PASK: variants seen among roughly 807,000 people sequenced by gnomAD.
PASK encodes the protein PAS domain containing serine/threonine kinase.
In PASK, 110 loss-of-function variants were observed where a neutral mutation model predicts 121.0. That is an observed-to-expected ratio of 0.91 (90% CI 0.78 to 1.06). The LOEUF is 1.06. Among genes scored for constraint, PASK ranks in the 50% least tolerant of loss-of-function variants. The pLI, the probability that PASK is intolerant of heterozygous loss-of-function variation, is 0.00. For missense variants in PASK, 1,643 were observed against 1,702.3 expected (o/e 0.97, Z 0.61); for synonymous variants, 686 against 717.8 (o/e 0.96, Z 0.71).
At position 241,142,698 on chromosome 2, in the gene PASK, C is replaced by T. The variant is rs185544653; in HGVS notation, c.196+139G>A. ...GCCGGAGTCATCTGCCAGCATGAGCCGAGCACTTAAACCACGAACTTTTCT... is the reference window on the plus strand; with the variant it reads ...GCCGGAGTCATCTGCCAGCATGAGCTGAGCACTTAAACCACGAACTTTTCT... On this transcript the variant is annotated intron_variant, in intron 2 of 17. Transcript: ENST00000234040. 434 of 699,474 alleles carry T rather than the reference C, an allele frequency of 6.2e-4. 2 individuals are homozygous for T. Among genetic ancestry groups the T allele is most frequent in the Non-Finnish European group, 7.0e-5 (27 of 387,444 alleles). 43.3% of individuals were successfully genotyped at this position (699,474 alleles called of 1,614,324 possible).
chr2:241,147,147 A>T (rs745376725), intron 1 of PASK, among the ~76,000 whole-genome samples: 1 of 152,224 alleles, frequency 6.6e-6, no homozygotes, highest in Non-Finnish European at 1.5e-5. Context: ...TGACATGATT[A>T]TAGTGTGAGG....
At chr2:241,132,483 C>G (rs1398658401) in intron 9 of PASK, among the ~76,000 whole-genome samples, 4 of 133,536 alleles carry the variant, frequency 3.0e-5, no homozygotes, top group Admixed American at 1.6e-4. Flanking sequence ...GAGCTGAGAT[C>G]GCACCACTGC....
In PASK at chr2:241,126,868, C is replaced by T. The variant is rs773268908; in HGVS notation, c.2047G>A (p.Val683Ile). The change falls in exon 10 of 18, where the codon GTT (valine) becomes ATT (isoleucine). Residue 683 changes from valine to isoleucine, a missense_variant. Val to Ile is a conservative substitution (Grantham distance 29). This residue lies in a region of PASK where 1,176 missense variants were observed against 1,162.2 expected (regional missense o/e 1.01). Transcript: ENST00000234040. ...GTGACAGCCTGGCACTCTGTCGGAACGAGTTCGGCGTGGGGGACATCCAGG... is the reference window on the plus strand; with the variant it reads ...GTGACAGCCTGGCACTCTGTCGGAATGAGTTCGGCGTGGGGGACATCCAGG... ...GALDVPHAEL[V>I]PTECQAVTAP... 8.7e-6 allele frequency: 14 copies of T among 1,612,694 alleles called. No individual in the cohort carries two copies. Among genetic ancestry groups the T allele is most frequent in the Admixed American group, 1.7e-5 (1 of 59,958 alleles).
chr2:241,141,075 T>C (rs1287517689), intron 2 of PASK, among the ~76,000 whole-genome samples: 1 of 151,846 alleles, frequency 6.6e-6, no homozygotes, highest in African/African-American at 2.4e-5. Context: ...AGTTCAGGAG[T>C]TCAAGACCAG....
intron 1 of PASK, among the ~76,000 whole-genome samples, chr2:241,147,703 A>G (rs2067020139): frequency 6.6e-6 from 1 of 152,358 alleles, no homozygotes; most frequent in African/African-American, 2.4e-5. Flanking sequence ...AAAGTAACTA[A>G]CATGAAATGG....
chr2:241,133,457 T>C (rs1330860199), intron 8 of PASK: 2 of 301,100 alleles, frequency 6.6e-6, no homozygotes, highest in Non-Finnish European at 1.3e-5. Context: ...ATGCTGTACC[T>C]GGGTATCTAC....
At chr2:241,140,133 C>T in intron 3 of PASK, 78 bp from the exon 4 acceptor site, 2 of 1,168,832 alleles carry the variant, frequency 1.7e-6, no homozygotes, top group East Asian at 4.9e-5. Flanking sequence ...CCCAGGACGA[C>T]CATGCAGAAG....
At position 241,140,548 on chromosome 2, in the gene PASK, G is replaced by A; in HGVS notation, c.402C>T (p.Ile134=). ...PAPVCNPNKA[I]FTVDAKTTEI... ...CTGTGGTCTTGGCATCCACCGTGAA[G>A]ATGGCCTTGTTAGGGTTGCACACAG... Residue 134 remains isoleucine (I), a synonymous_variant, in exon 3 of 18, where the codon ATC becomes ATT. Coordinates refer to ENST00000234040, the MANE Select transcript of PASK (RefSeq NM_015148.4). 1 of 1,613,370 alleles carries A rather than the reference G, an allele frequency of 6.2e-7. No individual in the cohort carries two copies. The highest frequency in any genetic ancestry group is 8.5e-7 in the Non-Finnish European group (1 of 1,179,402).
In PASK at chr2:241,140,657, G is replaced by C. The variant is rs749231115; in HGVS notation, c.293C>G (p.Pro98Arg). ...GGACACACTGCCCCGCGGTTCGGAC[G>C]GGTCCGTGTGCTCAGGGGCAGCAGG... Reference protein sequence around the residue: ...HCPAAPEHTDPSEPRGSVSCC... With the variant: ...HCPAAPEHTDRSEPRGSVSCC... The change falls in exon 3 of 18, where the codon CCG (proline) becomes CGG (arginine). Residue 98 changes from proline (P) to arginine (R), a missense_variant. Physicochemically the swap from Pro to Arg is moderately radical, Grantham distance 103. This residue lies in a region of PASK where 1,176 missense variants were observed against 1,162.2 expected (regional missense o/e 1.01). Transcript: ENST00000234040. The C allele has an allele frequency of 1.2e-6, 2 of 1,614,014 alleles. No homozygotes were observed. Among genetic ancestry groups the C allele is most frequent in the African/African-American group, 2.7e-5 (2 of 75,028 alleles).
chr2:241,132,164 T>C (rs950722021), intron 9 of PASK, among the ~76,000 whole-genome samples: 2 of 152,186 alleles, frequency 1.3e-5, no homozygotes, highest in Admixed American at 6.5e-5. Flanking sequence ...TTTCTACTTT[T>C]CCAAATGTTC....
At chr2:241,139,486 AC>A (rs2066598818) in intron 4 of PASK, 1 of 478,908 alleles carries the variant, frequency 2.1e-6, no homozygotes, top group Non-Finnish European at 4.3e-6. Flanking sequence ...CCAGGCCAAC[AC>A]CCCCGCCCGC....
chr2:241,110,346 C>T (rs2065056130), intron 15 of PASK, among the ~76,000 whole-genome samples: 1 of 152,092 alleles, frequency 6.6e-6, no homozygotes, highest in Admixed American at 6.6e-5. Flanking sequence ...CTGGAGTAGA[C>T]GGAGATGAAG....
chr2:241,114,833 T>TG (rs1409140378), intron 14 of PASK: 39 of 1,471,864 alleles, frequency 2.6e-5, no homozygotes, highest in Non-Finnish European at 3.0e-5. Flanking sequence ...GGACTGTATC[T>TG]GGCCTCATCC....
At chr2:241,150,241 C>T (rs951246297), upstream of PASK, 1 of 1,287,998 alleles carries the variant, frequency 7.8e-7, no homozygotes, top group Non-Finnish European at 9.8e-7. Context: ...CTTCGACTCC[C>T]TCTGCTTTCC....
intron 6 of PASK, among the ~76,000 whole-genome samples, 190 bp downstream of exon 6, chr2:241,137,763 T>C (rs2066508093): frequency 6.6e-6 from 1 of 151,710 alleles, no homozygotes. Flanking sequence ...GGGACAAGAG[T>C]GGTCAGCTGG....
upstream of PASK, chr2:241,150,313 G>C (rs1215449867): frequency 1.5e-6 from 2 of 1,334,460 alleles, no homozygotes; most frequent in East Asian, 3.1e-5. Context: ...TGCTCTGGGG[G>C]AGGCGCGGCG....
Position 241,112,236 on chromosome 2 carries a change from G to T in PASK, c.3533+4C>A. On this transcript the variant is annotated splice_donor_region_variant and intron_variant, in intron 15 of 17. Transcript: ENST00000234040. The surrounding 1 kb of genome is among the most constrained non-coding windows in gnomAD (Gnocchi z 5.2). Reference sequence around the variant, plus strand: ...GACGGGCCGCACCGCAGCCGCATACGTACGGATTCCCCATGAGAACTTCCG... The same window carrying T: ...GACGGGCCGCACCGCAGCCGCATACTTACGGATTCCCCATGAGAACTTCCG... 7.5e-6 allele frequency: 12 copies of T among 1,609,950 alleles called. No individual in the cohort carries two copies. The highest frequency in any genetic ancestry group is 1.0e-5 in the Non-Finnish European group (12 of 1,176,300).
At chr2:241,122,543 C>T (rs1331962673) in intron 12 of PASK, among the ~76,000 whole-genome samples, 189 bp downstream of exon 12, 2 of 152,190 alleles carry the variant, frequency 1.3e-5, no homozygotes, top group African/African-American at 4.8e-5. Flanking sequence ...GATCAGCAAC[C>T]CTGGATGTCA....
chr2:241,119,260 G>A (rs368437715), intron 12 of PASK, among the ~76,000 whole-genome samples: 170 of 152,150 alleles, frequency 1.1e-3, no homozygotes, highest in Non-Finnish European at 1.5e-3. Context: ...CTTTTCTTTC[G>A]GAGGGTGGGG....
Sources: allele counts gnomAD v4.1 joint callset (sites outside exome capture counted in the v4.1 genomes callset), GRCh38; gene constraint gnomAD v4.1.1; regional missense constraint gnomAD v4.1.1; non-coding constraint Gnocchi (gnomAD v3.1); transcripts MANE v1.5; gene names NCBI Gene and HGNC (gene_info 2026-07-23, HGNC 2026-07-21).